The following SYCP2L variants were observed in gnomAD, a reference collection of about 807,000 sequenced individuals.
SYCP2L encodes synaptonemal complex protein 2 like.
Under a neutral mutation model 125.8 loss-of-function variants are expected in SYCP2L, and 98 were observed. That is an observed-to-expected ratio of 0.78 (90% CI 0.66 to 0.92). The LOEUF (loss-of-function observed/expected upper bound fraction) is 0.92. SYCP2L is among the 40% of genes least tolerant of loss of function. SYCP2L has a pLI of 0.00. For missense variants in SYCP2L, 842 were observed against 936.4 expected (o/e 0.90, Z 1.32); for synonymous variants, 317 against 325.4 (o/e 0.97, Z 0.28).
intron 9 of SYCP2L, among the ~76,000 whole-genome samples, chr6:10,906,601 CTTT>C (rs34420052): frequency 4.9e-5 from 7 of 144,010 alleles, no homozygotes; most frequent in Admixed American, 1.4e-4. Context: ...GTAGTAGAAA[CTTT>C]TTTTTTTTTT....
chr6:10,901,199 AC>A (rs1331633002), intron 6 of SYCP2L, among the ~76,000 whole-genome samples: 1 of 152,214 alleles, frequency 6.6e-6, no homozygotes, highest in African/African-American at 2.4e-5. Context: ...TAATTTAATT[AC>A]TAACATCAAA....
At chr6:10,955,561 A>G (rs1366377729) in intron 24 of SYCP2L, among the ~76,000 whole-genome samples, 1 of 152,224 alleles carries the variant, frequency 6.6e-6, no homozygotes, top group African/African-American at 2.4e-5. Context: ...AAGAAGAATG[A>G]TCTGGAATGT....
chr6:10,912,906 G>A lies in SYCP2L; in HGVS notation c.1051G>A (p.Val351Met). 6.2e-7 allele frequency: 1 copy of A among 1,613,790 alleles called. No homozygotes were observed. The highest frequency in any genetic ancestry group is 8.5e-7 in the Non-Finnish European group (1 of 1,179,988). The change falls in exon 14 of 30, where the codon GTG (valine) becomes ATG (methionine). Residue 351 changes from valine to methionine, a missense_variant. Physicochemically the swap from Val to Met is conservative, Grantham distance 21. Coordinates refer to ENST00000283141, the MANE Select transcript of SYCP2L (RefSeq NM_001040274.3). This position sits in a 1 kb window ranked among gnomAD's most constrained non-coding sequence, Gnocchi z 4.1. ...CTCAGTGACACTTCCGAAGGAAGCG[G>A]TGATGAATTTCAGCATAACAGGTAA... ...WDSVTLPKEA[V>M]MNFSITETEK...
chr6:10,919,733 T>A (rs1360500229), intron 14 of SYCP2L, among the ~76,000 whole-genome samples: 1 of 152,104 alleles, frequency 6.6e-6, no homozygotes, highest in African/African-American at 2.4e-5. Context: ...CAGACTCTCC[T>A]TGGGTGGGTC....
intron 16 of SYCP2L, 150 bp downstream of exon 16, chr6:10,926,582 A>C: frequency 1.7e-6 from 1 of 604,192 alleles, no homozygotes; most frequent in Non-Finnish European, 2.9e-6. Flanking sequence ...GATAGCCTTG[A>C]ATTGTTTTCT....
intron 17 of SYCP2L, among the ~76,000 whole-genome samples, 194 bp from the exon 18 acceptor site, chr6:10,928,209 T>C (rs1473949259): frequency 6.6e-6 from 1 of 151,722 alleles, no homozygotes; most frequent in Non-Finnish European, 1.5e-5. Flanking sequence ...CACAAGGGTA[T>C]TGTGATACCC....
intron 20 of SYCP2L, among the ~76,000 whole-genome samples, chr6:10,933,902 A>G (rs1475524129): frequency 1.3e-5 from 2 of 152,208 alleles, no homozygotes; most frequent in African/African-American, 4.8e-5. Context: ...ACTAATTCTA[A>G]TTGTTAGATA....
rs750732077 is a variant in SYCP2L, at chr6:10,927,371, G to A, written c.1440+4G>A. 6 of 1,607,154 alleles carry A rather than the reference G, an allele frequency of 3.7e-6. No homozygotes were observed. The South Asian group carries it at 4.4e-5, about 12-fold the overall frequency. On this transcript the variant is annotated splice_donor_region_variant and intron_variant, in intron 17 of 29. Transcript: ENST00000283141. ...GGAACCTGCCTCTGATAGTCACGTA[G>A]GTTCTTTTCTATTTTCCCTAAGCAT...
At chr6:10,960,175 G>A (rs1781572223) in intron 26 of SYCP2L, among the ~76,000 whole-genome samples, 1 of 152,168 alleles carries the variant, frequency 6.6e-6, no homozygotes, top group Admixed American at 6.5e-5. Context: ...TGTAAATGAA[G>A]GAAGGGAAGA....
chr6:10,926,785 T>C (rs1316396242), intron 16 of SYCP2L, among the ~76,000 whole-genome samples: 1 of 150,476 alleles, frequency 6.6e-6, no homozygotes, highest in Non-Finnish European at 1.5e-5. Context: ...TCTTTTCTTT[T>C]TTTTTTTTTT....
At chr6:10,956,023 A>C in intron 24 of SYCP2L, 113 bp from the exon 25 acceptor site, 1 of 808,228 alleles carries the variant, frequency 1.2e-6, no homozygotes, top group Non-Finnish European at 2.0e-6. Context: ...CGGGGCTTCC[A>C]TGGTTCGCAT....
intron 21 of SYCP2L, among the ~76,000 whole-genome samples, chr6:10,936,254 T>A (rs1370647841): frequency 6.6e-6 from 1 of 151,686 alleles, no homozygotes; most frequent in East Asian, 1.9e-4. Flanking sequence ...CCCAGCACTT[T>A]GGGAGGCTGA....
At chr6:10,925,269 G>A (rs1030107977) in intron 15 of SYCP2L, among the ~76,000 whole-genome samples, 1 of 152,138 alleles carries the variant, frequency 6.6e-6, no homozygotes, top group Admixed American at 6.5e-5. Flanking sequence ...CTCCCATGGG[G>A]TCTCTCCCAT....
rs763752144 is a variant in SYCP2L at position 10,926,365 on chromosome 6, C to T, written c.1245C>T (p.Ser415=). Residue 415 remains serine (S), a synonymous_variant, in exon 16 of 30, where the codon TCC becomes TCT. Coordinates refer to ENST00000283141, the MANE Select transcript of SYCP2L (RefSeq NM_001040274.3). ...TGTTGCCTGACCAGACGAAAATCTC[C>T]TCAGAACTTTTTAGTAAGTCTGATA... The part of the protein sequence containing the change: ...KQMLPDQTKI[S]SELFSKSDKE... 11 of 1,613,580 alleles carry T rather than the reference C, an allele frequency of 6.8e-6. No individual in the cohort carries two copies. The highest frequency in any genetic ancestry group is 8.5e-6 in the Non-Finnish European group (10 of 1,179,836).
chr6:10,888,185 C>T (rs1244172506), intron 1 of SYCP2L, among the ~76,000 whole-genome samples: 1 of 141,542 alleles, frequency 7.1e-6, no homozygotes, highest in East Asian at 2.2e-4. Flanking sequence ...CAACCTCTGC[C>T]TCCCGGGTTC....
chr6:10,951,187 G>T (rs573006612), intron 23 of SYCP2L, among the ~76,000 whole-genome samples: 1 of 152,102 alleles, frequency 6.6e-6, no homozygotes, highest in African/African-American at 2.4e-5. Context: ...ACTTTGGGAG[G>T]CCAAGGCAGG....
chr6:10,897,909 T>G (rs907386434), intron 4 of SYCP2L, 102 bp from the exon 5 acceptor site: 19 of 801,366 alleles, frequency 2.4e-5, no homozygotes, highest in Non-Finnish European at 3.8e-5. Flanking sequence ...TGGGAAAAGA[T>G]CTTTAAGATT....
At chr6:10,920,539 A>G (rs1780778186) in intron 14 of SYCP2L, among the ~76,000 whole-genome samples, 1 of 152,216 alleles carries the variant, frequency 6.6e-6, no homozygotes, top group African/African-American at 2.4e-5. Context: ...CTAAGCAAAC[A>G]TATAGTTAGA....
chr6:10,892,602 CAG>C (rs1263958044), intron 2 of SYCP2L, among the ~76,000 whole-genome samples: 2 of 152,146 alleles, frequency 1.3e-5, no homozygotes, highest in Non-Finnish European at 2.9e-5. Flanking sequence ...CTGGTAATGG[CAG>C]AGTTTTAAGC....
Sources: gnomAD v4.1 joint callset for allele counts (sites outside exome capture counted in the v4.1 genomes callset) on GRCh38, gnomAD v4.1.1 for gene constraint, Gnocchi (gnomAD v3.1) non-coding constraint, MANE v1.5 for transcripts, NCBI Gene and HGNC (gene_info 2026-07-23, HGNC 2026-07-21) for gene names.